ZNF813: variants seen among roughly 807,000 people sequenced by gnomAD.
ZNF813 encodes the protein zinc finger protein 813.
ZNF813 carries 3 observed loss-of-function variants against 7.2 expected under a neutral mutation model. The ratio of observed to expected loss-of-function variants is 0.42; its 90% CI spans 0.19 to 1.08. The LOEUF (loss-of-function observed/expected upper bound fraction) is 1.08, where lower values mean the gene tolerates loss of function less well. Among genes scored for constraint, ZNF813 ranks in the 50% least tolerant of loss-of-function variants. ZNF813 has a pLI of 0.30. For synonymous variants in ZNF813, 227 were observed against 256.3 expected, an observed-to-expected ratio of 0.89 and a Z score of 1.09; for missense variants, 714 against 753.3, an observed-to-expected ratio of 0.95 and a Z score of 0.61.
intron 1 of ZNF813, among the ~76,000 whole-genome samples, chr19:53,483,192 G>A (rs1378061853): frequency 3.3e-5 from 5 of 151,598 alleles, no homozygotes; most frequent in East Asian, 1.9e-4. Flanking sequence ...TTACAGGCAC[G>A]AGCCACCGTG....
intron 3 of ZNF813, among the ~76,000 whole-genome samples, chr19:53,488,584 ATT>A (rs35747993): frequency 3.7e-5 from 5 of 134,728 alleles, no homozygotes; most frequent in African/African-American, 2.8e-5. Context: ...AATTTTTTGT[ATT>A]TTTTTTTTTT....
intron 1 of ZNF813, among the ~76,000 whole-genome samples, chr19:53,477,558 G>T (rs932306578): frequency 6.6e-6 from 1 of 152,110 alleles, no homozygotes; most frequent in African/African-American, 2.4e-5. Flanking sequence ...GCTCACTCCT[G>T]TAATCCCACC....
At chr19:53,470,160 T>TCCTTCC (rs146034098) in intron 1 of ZNF813, among the ~76,000 whole-genome samples, 32 of 129,038 alleles carry the variant, frequency 2.5e-4, no homozygotes, top group Middle Eastern at 8.2e-3. Flanking sequence ...TTTCTTTCTT[T>TCCTTCC]TTCTTTTCTT....
chr19:53,490,840 C>T lies in ZNF813; in HGVS notation c.608C>T (p.Thr203Ile), dbSNP rs754538234. ...GNNFRNSSLL[T>I]QKQEVHMREK... Reference sequence around the variant, plus strand: ...AATTTCCGGAATTCTTCGTTACTCACACAAAAACAGGAGGTACACATGAGA... The same window carrying T: ...AATTTCCGGAATTCTTCGTTACTCATACAAAAACAGGAGGTACACATGAGA... Residue 203 changes from threonine (T) to isoleucine (I), a missense_variant, in exon 4 of 4, where the codon ACA becomes ATA. By Grantham distance (89) the Thr-to-Ile change is moderately conservative (BLOSUM62 -1). This residue lies in a region of ZNF813 where 563 missense variants were observed against 554.2 expected (regional missense o/e 1.02). Transcript: ENST00000396403. 39 of 1,614,040 alleles carry T rather than the reference C, an allele frequency of 2.4e-5. No individual in the cohort carries two copies. Among genetic ancestry groups the T allele is most frequent in the Non-Finnish European group, 3.2e-5 (38 of 1,180,012 alleles).
chr19:53,483,927 A>T lies in ZNF813; in HGVS notation c.15+90A>T, dbSNP rs888012901. 114 of 1,608,054 alleles carry T rather than the reference A, an allele frequency of 7.1e-5. No homozygotes were observed. In the Admixed American group the frequency reaches 1.9e-3, roughly 26 times the overall value. ...TGGGAATCTTCTCTGAGTCTGAAGC[A>T]TCCTGCCTGACAGGTTTGCTCACAT... is the stretch of plus-strand genomic sequence containing the variant. On this transcript the variant is annotated intron_variant, in intron 2 of 3. Transcript: ENST00000396403.
At chr19:53,480,254 T>C (rs2086401669) in intron 1 of ZNF813, 1 of 748,488 alleles carries the variant, frequency 1.3e-6, no homozygotes, top group African/African-American at 1.7e-5. Flanking sequence ...CACCAAACTG[T>C]CTCTGCCTCT....
In ZNF813 at chr19:53,483,774, A is replaced by G; in HGVS notation, c.-49A>G. The G allele has an allele frequency of 1.2e-6, 2 of 1,612,162 alleles. No individual in the cohort carries two copies. Among genetic ancestry groups the G allele is most frequent in the Non-Finnish European group, 1.7e-6 (2 of 1,179,910 alleles). On this transcript the variant is annotated 5_prime_UTR_variant, in exon 2 of 4. An upstream start codon of the reference 5' UTR is lost. Coordinates refer to ENST00000396403, the MANE Select transcript of ZNF813 (RefSeq NM_001004301.4). The stretch of plus-strand genomic sequence containing the variant: ...GGATTGACTTCTAAAGACTCTTGGT[A>G]TGTGAGGAAGAAACCTGGAAGAGGA...
At position 53,492,689 on chromosome 19, in the gene ZNF813, C is replaced by A; in HGVS notation, c.*603C>A. ...CAACCATTGCAAATCATTGGAGAACCCATAAGGAAGAGAGATCATACAAGT... is the reference window on the plus strand; with the variant it reads ...CAACCATTGCAAATCATTGGAGAACACATAAGGAAGAGAGATCATACAAGT... On this transcript the variant is annotated 3_prime_UTR_variant, in exon 4 of 4. Coordinates refer to ENST00000396403, the MANE Select transcript of ZNF813 (RefSeq NM_001004301.4). 1.3e-6 allele frequency: 1 copy of A among 777,840 alleles called. No homozygotes were observed. 48.2% of individuals were successfully genotyped at this position (777,840 alleles called of 1,614,324 possible).
At chr19:53,478,043 G>GC (rs2086389918) in intron 1 of ZNF813, among the ~76,000 whole-genome samples, 1 of 152,184 alleles carries the variant, frequency 6.6e-6, no homozygotes. Context: ...TCCCTATTCA[G>GC]CCAGAGAGCA....
intron 1 of ZNF813, among the ~76,000 whole-genome samples, chr19:53,483,357 T>A (rs953898653): frequency 6.6e-5 from 10 of 151,814 alleles, no homozygotes; most frequent in Admixed American, 2.0e-4. Flanking sequence ...CCTGGCTAAG[T>A]TTTTGTATTT....
chr19:53,470,841 G>A lies in ZNF813; in HGVS notation c.-74+3052G>A, dbSNP rs144797627. Among the ~76,000 whole-genome samples, 10 of 152,010 alleles carry A rather than the reference G, an allele frequency of 6.6e-5. No homozygotes were observed. In the East Asian group the frequency reaches 1.2e-3, roughly 18 times the overall value. On this transcript the variant is annotated intron_variant, in intron 1 of 3. Transcript: ENST00000396403. Reference sequence around the variant, plus strand: ...CTCCTTCCTGGGCTAGGAGGTAGTCGAAAGCTAATCTATTTTGGTAGATGG... The same window carrying A: ...CTCCTTCCTGGGCTAGGAGGTAGTCAAAAGCTAATCTATTTTGGTAGATGG...
intron 1 of ZNF813, among the ~76,000 whole-genome samples, chr19:53,468,022 A>G (rs982816462): frequency 1.3e-5 from 2 of 152,096 alleles, no homozygotes; most frequent in Non-Finnish European, 2.9e-5. Flanking sequence ...TACACTTTCT[A>G]TCGCGCATTT....
rs1374745282 is a variant in ZNF813, at chr19:53,491,889, T to C, written c.1657T>C (p.Cys553Arg). The C allele has an allele frequency of 1.9e-6, 3 of 1,612,972 alleles. No individual in the cohort carries two copies. The highest frequency in any genetic ancestry group is 2.2e-5 in the East Asian group (1 of 44,832). Reference sequence around the variant, plus strand: ...TCATACTGGAGATAAACCTTACAAGTGTAATGAATGTGGCAAGGTTTTTAA... The same window carrying C: ...TCATACTGGAGATAAACCTTACAAGCGTAATGAATGTGGCAAGGTTTTTAA... ...RLHTGDKPYK[C>R]NECGKVFNQK... Residue 553 changes from cysteine (C) to arginine (R), a missense_variant, in exon 4 of 4, where the codon TGT becomes CGT. Cys to Arg is a radical substitution (Grantham distance 180, BLOSUM62 -3). This residue lies in a region of ZNF813 where 122 missense variants were observed against 146.8 expected (regional missense o/e 0.83). Transcript: ENST00000396403.
Position 53,482,721 on chromosome 19 carries a change from T to G in ZNF813, c.-73-1029T>G, listed in dbSNP as rs865947365. ...ATCAGGAATGCTTTTTGTTTTTTTT[T>G]TTTTTTTTTTTTTTTTTTGAGAGAC... On this transcript the variant is annotated intron_variant, in intron 1 of 3. Coordinates refer to ENST00000396403, the MANE Select transcript of ZNF813 (RefSeq NM_001004301.4). 8.4e-4 allele frequency among the ~76,000 whole-genome samples: 107 copies of G among 126,722 alleles called. No homozygotes were observed. The South Asian group carries it at 9.9e-3, about 12-fold the overall frequency. The allele number at this position is 126,722 out of a possible 152,430, so 83.1% of individuals were successfully genotyped here. A position where few individuals can be genotyped will look rare whatever the true frequency, so the allele number is the denominator to read the frequency against.
At position 53,492,735 on chromosome 19, in the gene ZNF813, C is replaced by A; in HGVS notation, c.*649C>A. 1.6e-6 allele frequency: 1 copy of A among 641,966 alleles called. No homozygotes were observed. The highest frequency in any genetic ancestry group is 1.4e-5 in the South Asian group (1 of 71,120). 39.8% of individuals were successfully genotyped at this position (641,966 alleles called of 1,614,324 possible). Reference sequence around the variant, plus strand: ...CAAGTGTAATAATCGGCAAATTTTTCAGACATCGTCCATACCTTGCAGTTC... The same window carrying A: ...CAAGTGTAATAATCGGCAAATTTTTAAGACATCGTCCATACCTTGCAGTTC... On this transcript the variant is annotated 3_prime_UTR_variant, in exon 4 of 4. Transcript: ENST00000396403.
chr19:53,490,533 T>C lies in ZNF813; in HGVS notation c.301T>C (p.Trp101Arg), dbSNP rs2086454527. The change falls in exon 4 of 4, where the codon TGG becomes CGG. Residue 101 changes from tryptophan (W) to arginine (R), a missense_variant. Around this residue, in one of 3 missense-constraint regions of ZNF813, gnomAD observed 563 missense variants for 554.2 expected, o/e 1.02. Transcript: ENST00000396403. The part of the protein sequence containing the change: ...DKDIHNLEFQ[W>R]QEDERNSHEA... ...AGATATTCATAACTTAGAGTTTCAG[T>C]GGCAAGAAGATGAAAGAAATAGCCA... The C allele has an allele frequency of 6.2e-7, 1 of 1,614,024 alleles. No homozygotes were observed. Among genetic ancestry groups the C allele is most frequent in the Non-Finnish European group, 8.5e-7 (1 of 1,180,038 alleles).
chr19:53,484,039 C>G (rs1471312823), intron 2 of ZNF813, among the ~76,000 whole-genome samples: 3 of 152,034 alleles, frequency 2.0e-5, no homozygotes, highest in Admixed American at 1.3e-4. Context: ...AGAGGCTGCA[C>G]TGGGCATGGT....
At chr19:53,480,825 T>A (rs1422504396) in intron 1 of ZNF813, among the ~76,000 whole-genome samples, 1 of 152,196 alleles carries the variant, frequency 6.6e-6, no homozygotes, top group Non-Finnish European at 1.5e-5. Context: ...GGCATGGAAC[T>A]TTTGGGGTGG....
rs1456093908 is a variant in ZNF813, at chr19:53,492,112, C to T, written c.*26C>T. On this transcript the variant is annotated 3_prime_UTR_variant, in exon 4 of 4. Transcript: ENST00000396403. ...AAAGCAAAGCTTGCACATCATCATACAATTCATACTGGAAAGAAACAAGTG... is the reference window on the plus strand; with the variant it reads ...AAAGCAAAGCTTGCACATCATCATATAATTCATACTGGAAAGAAACAAGTG... 3 of 1,595,020 alleles carry T rather than the reference C, an allele frequency of 1.9e-6. No individual in the cohort carries two copies. Among genetic ancestry groups the T allele is most frequent in the South Asian group, 2.2e-5 (2 of 88,926 alleles).
Sources: gnomAD v4.1 joint callset for allele counts (sites outside exome capture counted in the v4.1 genomes callset) on GRCh38, gnomAD v4.1.1 for gene constraint, gnomAD v4.1.1 regional missense constraint, MANE v1.5 for transcripts, NCBI Gene and HGNC (gene_info 2026-07-23, HGNC 2026-07-21) for gene names.